SETX: variants seen among roughly 807,000 people sequenced by gnomAD.
The protein encoded by SETX is senataxin, also known as helicase senataxin.
Under a neutral mutation model 227.2 loss-of-function variants are expected in SETX, and 90 were observed. The observed-to-expected ratio is 0.40, with a 90% confidence interval of 0.33 to 0.47. The LOEUF (loss-of-function observed/expected upper bound fraction) is 0.47, where lower values mean the gene tolerates loss of function less well. SETX is among the 20% of genes least tolerant of loss of function. The pLI is 0.91. For missense variants in SETX, 3,052 were observed against 3,181.5 expected, an observed-to-expected ratio of 0.96 and a Z score of 0.98; for synonymous variants, 1,210 against 1,113.2, an observed-to-expected ratio of 1.09 and a Z score of -1.73.
chr9:132,344,812 G>A (rs1589780215), intron 4 of SETX, among the ~76,000 whole-genome samples: 1 of 151,296 alleles, frequency 6.6e-6, no homozygotes, highest in South Asian at 2.1e-4. Flanking sequence ...GAGGCAGAGG[G>A]TGCAGTGAGC....
In SETX at chr9:132,342,992, G is replaced by T. The variant is rs374694914; in HGVS notation, c.389-193C>A. On this transcript the variant is annotated intron_variant, in intron 4 of 25. Transcript: ENST00000224140. ...ACAGGCTAAATCCGTTGATCACAGG[G>T]TGTTCTTAGAAATTATTCTGACCTT... Among the ~76,000 whole-genome samples, 14 of 152,250 alleles carry T rather than the reference G, an allele frequency of 9.2e-5. No homozygotes were observed. The South Asian group carries it at 2.9e-3, about 32-fold the overall frequency.
intron 11 of SETX, 121 bp from the exon 12 acceptor site, chr9:132,300,924 T>C: frequency 2.6e-6 from 2 of 754,900 alleles, no homozygotes; most frequent in Non-Finnish European, 4.1e-6. Context: ...TAAAGGACTC[T>C]GCATATACTT....
At chr9:132,354,364 C>T (rs994122411) in intron 1 of SETX, among the ~76,000 whole-genome samples, 1 of 151,760 alleles carries the variant, frequency 6.6e-6, no homozygotes, top group African/African-American at 2.4e-5. Flanking sequence ...GGCGTGGTGA[C>T]GCGCGCCTAT....
intron 20 of SETX, among the ~76,000 whole-genome samples, chr9:132,281,040 A>G (rs1339280160): frequency 6.6e-6 from 1 of 152,186 alleles, no homozygotes; most frequent in Non-Finnish European, 1.5e-5. Flanking sequence ...GTTTTCCTCA[A>G]TTTGTACATA....
chr9:132,329,650 T>C lies in SETX; in HGVS notation c.1948A>G (p.Met650Val), dbSNP rs115701916. ...ATCAATACACTGTCTTGCACTTTCA[T>C]TGGTTCTTTAGAAAATGTTGGGCTG... ...ASSPTFSKEP[M>V]KVQDSVLIKA... Residue 650 changes from methionine (M) to valine (V), a missense_variant, in exon 10 of 26, where the codon ATG (methionine) becomes GTG (valine). Met to Val is a conservative substitution (Grantham distance 21). Transcript: ENST00000224140. 19 of 1,613,804 alleles carry C rather than the reference T, an allele frequency of 1.2e-5. No individual in the cohort carries two copies. The highest frequency in any genetic ancestry group is 2.2e-5 in the South Asian group (2 of 90,990).
At chr9:132,319,564 C>T (rs1365628180) in intron 10 of SETX, among the ~76,000 whole-genome samples, 3 of 152,196 alleles carry the variant, frequency 2.0e-5, no homozygotes, top group Non-Finnish European at 4.4e-5. Flanking sequence ...TTCGTTAAGA[C>T]TCAGTTCCCA....
rs729843 is a variant in SETX at position 132,309,953 on chromosome 9, A to T, written c.5374+1804T>A. Among the ~76,000 whole-genome samples the T allele has an allele frequency of 8.9e-3, 1,362 of 152,352 alleles. 36 individuals carry two copies. Among genetic ancestry groups the T allele is most frequent in the Admixed American group, 0.047 (720 of 15,304 alleles). ...AAGACTGATGTATTTACTATGTTCA[A>T]ATAAGCAATTCTCAATAAGAATGAA... On this transcript the variant is annotated intron_variant, in intron 11 of 25. Transcript: ENST00000224140.
chr9:132,355,297 TG>T (rs1444894562), upstream of SETX, among the ~76,000 whole-genome samples: 3 of 152,204 alleles, frequency 2.0e-5, no homozygotes, highest in African/African-American at 7.2e-5. Context: ...TGAGCTCTGC[TG>T]CGGGTGGGGT....
At chr9:132,302,616 C>T (rs1235418190) in intron 11 of SETX, among the ~76,000 whole-genome samples, 9 of 139,626 alleles carry the variant, frequency 6.4e-5, no homozygotes, top group East Asian at 2.2e-4. Flanking sequence ...GCCAAGATTG[C>T]GCCATTGCAC....
At chr9:132,333,408 A>ATAAAT (rs1461021497) in intron 7 of SETX, among the ~76,000 whole-genome samples, 1 of 72,232 alleles carries the variant, frequency 1.4e-5, no homozygotes, top group Non-Finnish European at 2.4e-5. Flanking sequence ...GAAAAAAAAA[A>ATAAAT]ATATATATAC....
chr9:132,261,575 T>C lies in SETX; in HGVS notation c.*2664A>G, dbSNP rs1414722029. ...AAAGACAACAGGGCTGTTTGCCAAA[T>C]CGCAGCTATTAATTCACAGCATAGA... On this transcript the variant is annotated 3_prime_UTR_variant, in exon 26 of 26. Coordinates refer to ENST00000224140, the MANE Select transcript of SETX (RefSeq NM_015046.7). 2.0e-5 allele frequency: 3 copies of C among 152,728 alleles called. No homozygotes were observed. Among genetic ancestry groups the C allele is most frequent in the Non-Finnish European group, 4.4e-5 (3 of 68,104 alleles). The allele number at this position is 152,728 out of a possible 1,614,324, so 9.5% of individuals were successfully genotyped here.
In SETX at chr9:132,334,662, T is replaced by C. The variant is rs2131492208; in HGVS notation, c.784A>G (p.Lys262Glu). 1 of 1,614,038 alleles carries C rather than the reference T, an allele frequency of 6.2e-7. No individual in the cohort carries two copies. The highest frequency in any genetic ancestry group is 8.5e-7 in the Non-Finnish European group (1 of 1,179,886). Residue 262 changes from lysine to glutamate, a missense_variant, in exon 7 of 26, where the codon AAA becomes GAA. Lys to Glu is a moderately conservative substitution (Grantham distance 56). Around this residue, in one of 10 missense-constraint regions of SETX, gnomAD observed 239 missense variants for 240.8 expected, o/e 0.99. Coordinates refer to ENST00000224140, the MANE Select transcript of SETX (RefSeq NM_015046.7). ...ATCGATTGCATAAAATCATTTTGTT[T>C]GTCTGAGCCCAACAACAGGGAATCC... ...AMDSLLLGSD[K>E]QNDFMQSILH...
At chr9:132,272,834 T>C (rs1842966182) in intron 23 of SETX, among the ~76,000 whole-genome samples, 1 of 151,720 alleles carries the variant, frequency 6.6e-6, no homozygotes, top group Admixed American at 6.6e-5. Flanking sequence ...CTTTCTTCAT[T>C]AATATTTCAT....
chr9:132,346,711 G>A (rs903175868), intron 3 of SETX, among the ~76,000 whole-genome samples: 9 of 151,664 alleles, frequency 5.9e-5, no homozygotes, highest in African/African-American at 2.2e-4. Context: ...CAGCATTTTG[G>A]AAGGCTGAGG....
intron 4 of SETX, among the ~76,000 whole-genome samples, chr9:132,343,105 G>C (rs1247426034): frequency 1.3e-5 from 2 of 152,066 alleles, no homozygotes; most frequent in African/African-American, 2.4e-5. Flanking sequence ...GGATCACAAG[G>C]TCAGGAGATC....
intron 15 of SETX, among the ~76,000 whole-genome samples, chr9:132,295,203 A>C (rs1320627570): frequency 6.6e-6 from 1 of 152,178 alleles, no homozygotes; most frequent in African/African-American, 2.4e-5. Flanking sequence ...CTACCGAAAA[A>C]AGTTATCCCT....
intron 18 of SETX, among the ~76,000 whole-genome samples, chr9:132,285,510 G>A (rs1843805410): frequency 6.6e-6 from 1 of 151,794 alleles, no homozygotes; most frequent in Non-Finnish European, 1.5e-5. Flanking sequence ...ACTTTGGGAG[G>A]CCGAGACGGG....
At chr9:132,356,724 A>C (rs577265237), upstream of SETX, among the ~76,000 whole-genome samples, 19 of 152,256 alleles carry the variant, frequency 1.2e-4, no homozygotes, top group East Asian at 3.7e-3. Context: ...ACACTGCGGG[A>C]AAGGCCCAAG....
At chr9:132,354,495 CAA>C (rs11316762) in intron 1 of SETX, among the ~76,000 whole-genome samples, 168 of 85,472 alleles carry the variant, frequency 2.0e-3, no homozygotes, top group Admixed American at 5.0e-3. Context: ...GACCCCGTCT[CAA>C]AAAAAAAAAA....
Sources: allele counts gnomAD v4.1 joint callset (sites outside exome capture counted in the v4.1 genomes callset), GRCh38; gene constraint gnomAD v4.1.1; regional missense constraint gnomAD v4.1.1; transcripts MANE v1.5; gene names NCBI Gene and HGNC (gene_info 2026-07-23, HGNC 2026-07-21).